ANKRD62: variants seen among roughly 807,000 people sequenced by gnomAD.
The protein encoded by ANKRD62 is ankyrin repeat domain-containing protein 62.
ANKRD62 carries 61 observed loss-of-function variants against 98.8 expected under a neutral mutation model. That is an observed-to-expected ratio of 0.62 (90% confidence interval 0.50 to 0.76). The LOEUF is 0.76. Ranked by LOEUF, ANKRD62 falls within the 30% of genes least tolerant of loss-of-function variation. The pLI is 0.00. For missense variants in ANKRD62, 933 were observed against 1,082.9 expected (o/e 0.86, Z 1.94); for synonymous variants, 341 against 367.9 (o/e 0.93, Z 0.84).
At chr18:12,174,309 C>A in the ANKRD62 span, among the ~76,000 whole-genome samples, 1 of 152,122 alleles carries the variant, frequency 6.6e-6, no homozygotes, top group African/African-American at 2.4e-5. Context: ...CTTGGGATTG[C>A]GTTATGAAAT....
At chr18:12,116,297 G>T (rs1404270859) in intron 10 of ANKRD62, among the ~76,000 whole-genome samples, 3 of 152,140 alleles carry the variant, frequency 2.0e-5, no homozygotes. Context: ...CATCTGATCA[G>T]CACAACAGGA....
chr18:12,169,412 C>A, the ANKRD62 span, among the ~76,000 whole-genome samples: 5 of 152,048 alleles, frequency 3.3e-5, no homozygotes, highest in African/African-American at 1.2e-4. Flanking sequence ...GTCTTTGGTT[C>A]TGTTTATGTG....
chr18:12,171,449 A>G, the ANKRD62 span, among the ~76,000 whole-genome samples: 1 of 152,142 alleles, frequency 6.6e-6, no homozygotes, highest in East Asian at 1.9e-4. Context: ...TTTCTTCAAG[A>G]ACGTTGAATA....
chr18:12,111,800 A>G (rs942659915), intron 8 of ANKRD62, among the ~76,000 whole-genome samples: 7 of 152,164 alleles, frequency 4.6e-5, no homozygotes, highest in Non-Finnish European at 8.8e-5. Context: ...TCTTACTCAC[A>G]ATTGCCACCA....
At chr18:12,103,084 T>C in intron 6 of ANKRD62, 74 bp from the exon 7 acceptor site, 8 of 1,074,938 alleles carry the variant, frequency 7.4e-6, no homozygotes, top group Non-Finnish European at 8.6e-6. Context: ...ATTTTCTATT[T>C]TTATAAAGAC....
At chr18:12,133,059 C>T (rs1910029447), downstream of ANKRD62, among the ~76,000 whole-genome samples, 1 of 152,112 alleles carries the variant, frequency 6.6e-6, no homozygotes, top group Admixed American at 6.6e-5. Context: ...ACTCTGTACC[C>T]ATTAAATATC....
intron 6 of ANKRD62, chr18:12,102,473 T>C (rs1909323428): frequency 4.7e-6 from 2 of 425,630 alleles, no homozygotes; most frequent in Non-Finnish European, 9.0e-6. Context: ...AACCGCCATC[T>C]CATTCCTGAA....
chr18:12,181,352 G>A, the ANKRD62 span, among the ~76,000 whole-genome samples: 10,171 of 152,096 alleles, frequency 0.067, 849 homozygotes, highest in East Asian at 0.47. Context: ...CAATAGATAC[G>A]GAAATTCATG....
intron 11 of ANKRD62, 75 bp downstream of exon 11, chr18:12,122,591 T>C: frequency 8.0e-7 from 1 of 1,243,598 alleles, no homozygotes; most frequent in Non-Finnish European, 1.1e-6. Flanking sequence ...TTGTAATAGC[T>C]GACTTACCTT....
At chr18:12,151,607 G>C in the ANKRD62 span, among the ~76,000 whole-genome samples, 8 of 151,868 alleles carry the variant, frequency 5.3e-5, no homozygotes, top group Admixed American at 4.6e-4. Context: ...ATAAAAATTA[G>C]TGTTAGAAAG....
the ANKRD62 span, among the ~76,000 whole-genome samples, chr18:12,145,441 T>C: frequency 2.6e-4 from 40 of 152,228 alleles, no homozygotes; most frequent in African/African-American, 9.2e-4. Flanking sequence ...CCACTAAAAA[T>C]AGTCAACGAG....
At chr18:12,146,708 G>A in the ANKRD62 span, among the ~76,000 whole-genome samples, 1 of 152,272 alleles carries the variant, frequency 6.6e-6, no homozygotes, top group African/African-American at 2.4e-5. Context: ...GCCTCCCAAA[G>A]TGGTGGGATT....
chr18:12,163,237 C>T, the ANKRD62 span, among the ~76,000 whole-genome samples: 6 of 151,926 alleles, frequency 3.9e-5, no homozygotes, highest in Middle Eastern at 3.2e-3. Context: ...TGTTTAACTC[C>T]TAGGTATGTA....
At chr18:12,151,716 G>A in the ANKRD62 span, among the ~76,000 whole-genome samples, 2 of 152,122 alleles carry the variant, frequency 1.3e-5, no homozygotes, top group South Asian at 4.1e-4. Context: ...ACCAACGTCA[G>A]AGCTTAACTG....
chr18:12,169,957 T>A, the ANKRD62 span, among the ~76,000 whole-genome samples: 1 of 152,252 alleles, frequency 6.6e-6, no homozygotes, highest in Non-Finnish European at 1.5e-5. Flanking sequence ...TTTGTATTTC[T>A]GTGGGATCAG....
intron 10 of ANKRD62, among the ~76,000 whole-genome samples, chr18:12,119,995 T>G (rs1909751146): frequency 6.6e-6 from 1 of 152,188 alleles, no homozygotes; most frequent in African/African-American, 2.4e-5. Context: ...ATTTGAGTAT[T>G]TCTTAGCATT....
chr18:12,138,476 A>AATTTTG, the ANKRD62 span, among the ~76,000 whole-genome samples: 52 of 152,158 alleles, frequency 3.4e-4, no homozygotes, highest in African/African-American at 1.2e-3. Flanking sequence ...CGATGTGGTC[A>AATTTTG]ATTTTGGAAT....
At chr18:12,137,149 G>C in the ANKRD62 span, among the ~76,000 whole-genome samples, 1 of 152,162 alleles carries the variant, frequency 6.6e-6, no homozygotes, top group South Asian at 2.1e-4. Context: ...AATGCTTCCA[G>C]TTTTTGCCCA....
chr18:12,100,886 C>T (rs540944241), intron 6 of ANKRD62, among the ~76,000 whole-genome samples: 5 of 152,178 alleles, frequency 3.3e-5, no homozygotes, highest in East Asian at 1.9e-4. Context: ...TAATAATATT[C>T]GAATAGCCCA....
Sources: allele counts gnomAD v4.1 joint callset (sites outside exome capture counted in the v4.1 genomes callset), GRCh38; gene constraint gnomAD v4.1.1; transcripts MANE v1.5; gene names NCBI Gene and HGNC (gene_info 2026-07-23, HGNC 2026-07-21).